SFRP1: variants seen among roughly 807,000 people sequenced by gnomAD.
The protein encoded by SFRP1 is secreted frizzled related protein 1.
Under a neutral mutation model 25.9 loss-of-function variants are expected in SFRP1, and 9 were observed. That is an observed-to-expected ratio of 0.35 (90% CI 0.21 to 0.61). SFRP1 has a LOEUF of 0.61. Ranked by LOEUF, SFRP1 falls within the 20% of genes least tolerant of loss-of-function variation. The pLI is 0.78. For missense variants in SFRP1, 346 were observed against 418.2 expected, an observed-to-expected ratio of 0.83 and a Z score of 1.51; for synonymous variants, 178 against 174.0, an observed-to-expected ratio of 1.02 and a Z score of -0.18.
intron 2 of SFRP1, among the ~76,000 whole-genome samples, chr8:41,280,462 G>A (rs1358749794): frequency 1.3e-5 from 2 of 152,136 alleles, no homozygotes; most frequent in African/African-American, 4.8e-5. Context: ...AGGCAGCCAG[G>A]TGGCACCGGC....
In SFRP1 at chr8:41,283,092, C is replaced by G. The variant is rs372796554; in HGVS notation, c.623-17603G>C. Among the ~76,000 whole-genome samples the G allele has an allele frequency of 2.4e-4, 36 of 152,326 alleles. 1 individual carries two copies. In the South Asian group the frequency reaches 7.2e-3, roughly 31 times the overall value. On this transcript the variant is annotated intron_variant, in intron 2 of 2. Transcript: ENST00000220772. ...GCTTTTATTACATGACCTTGGACAA[C>G]ATGAGTCTCCATCCTGTTTCTTCCT...
At chr8:41,279,795 T>G (rs1466174407) in intron 2 of SFRP1, among the ~76,000 whole-genome samples, 15 of 149,990 alleles carry the variant, frequency 1.0e-4, no homozygotes, top group African/African-American at 3.7e-4. Context: ...AAAAAACCTA[T>G]GTCCAAAATC....
At chr8:41,306,582 G>T in intron 1 of SFRP1, 2 of 995,980 alleles carry the variant, frequency 2.0e-6, no homozygotes, top group Middle Eastern at 3.1e-4. Context: ...GCAGTCCTGG[G>T]GAGGGTGGTG....
intron 2 of SFRP1, among the ~76,000 whole-genome samples, chr8:41,276,172 G>A (rs570700394): frequency 5.2e-4 from 79 of 152,324 alleles, no homozygotes; most frequent in African/African-American, 1.7e-3. Flanking sequence ...AGGTGGAAAA[G>A]TCTGCTCAGA....
At chr8:41,304,776 G>A (rs1016267615) in intron 1 of SFRP1, among the ~76,000 whole-genome samples, 2 of 152,106 alleles carry the variant, frequency 1.3e-5, no homozygotes, top group Non-Finnish European at 2.9e-5. Context: ...GACACAAGTG[G>A]CCCATAGACC....
intron 2 of SFRP1, among the ~76,000 whole-genome samples, chr8:41,274,572 A>T (rs548331460): frequency 6.6e-6 from 1 of 152,366 alleles, no homozygotes; most frequent in Non-Finnish European, 1.5e-5. Context: ...ATAACAGAAA[A>T]TCAATAAAGA....
At chr8:41,284,859 C>T (rs185323421) in intron 2 of SFRP1, among the ~76,000 whole-genome samples, 20 of 152,330 alleles carry the variant, frequency 1.3e-4, no homozygotes, top group Admixed American at 1.1e-3. Context: ...AGGCCAAGGC[C>T]GATGCTCCAG....
chr8:41,306,480 T>C (rs1300245320), intron 1 of SFRP1, among the ~76,000 whole-genome samples: 10 of 147,324 alleles, frequency 6.8e-5, no homozygotes, highest in Non-Finnish European at 1.5e-4. Flanking sequence ...TCTACACACC[T>C]ACACACACAC....
chr8:41,272,538 G>A (rs533808737), intron 2 of SFRP1, among the ~76,000 whole-genome samples: 2 of 152,326 alleles, frequency 1.3e-5, no homozygotes, highest in South Asian at 4.1e-4. Flanking sequence ...GAACTCAGGA[G>A]GCAGAGGTTG....
chr8:41,277,974 T>G (rs1803590890), intron 2 of SFRP1, among the ~76,000 whole-genome samples: 1 of 152,174 alleles, frequency 6.6e-6, no homozygotes, highest in East Asian at 1.9e-4. Context: ...GGATCACACT[T>G]GAGAACCACT....
rs898811965 is a variant in SFRP1 at position 41,262,882 on chromosome 8, T to A, written c.*2285A>T. 3 of 152,190 alleles carry A rather than the reference T, an allele frequency of 2.0e-5. No individual in the cohort carries two copies. Among genetic ancestry groups the A allele is most frequent in the African/African-American group, 7.2e-5 (3 of 41,450 alleles). The allele number at this position is 152,190 out of a possible 1,614,324, so 9.4% of individuals were successfully genotyped here. ...GGTCTAAAACCTTCAATAAAGTAAC[T>A]AATGACACTCAAGGTCCTGGGACTC... On this transcript the variant is annotated 3_prime_UTR_variant, in exon 3 of 3. Coordinates refer to ENST00000220772, the MANE Select transcript of SFRP1 (RefSeq NM_003012.5).
chr8:41,278,042 A>G (rs773828798), intron 2 of SFRP1, among the ~76,000 whole-genome samples: 4 of 152,150 alleles, frequency 2.6e-5, no homozygotes, highest in Non-Finnish European at 5.9e-5. Flanking sequence ...CACCTTGGTT[A>G]TTCACAGTGG....
At chr8:41,305,068 T>C (rs896415606) in intron 1 of SFRP1, among the ~76,000 whole-genome samples, 15 of 152,200 alleles carry the variant, frequency 9.9e-5, no homozygotes, top group Non-Finnish European at 1.8e-4. Context: ...TGGTTTTTGC[T>C]TCCACATGGG....
At position 41,290,345 on chromosome 8, in the gene SFRP1, G is replaced by A. The variant is rs187450668; in HGVS notation, c.622+13116C>T. Among the ~76,000 whole-genome samples the A allele has an allele frequency of 3.1e-4, 47 of 152,344 alleles. 1 individual carries two copies. Among genetic ancestry groups the A allele is most frequent in the Admixed American group, 2.5e-3 (39 of 15,304 alleles). Reference sequence around the variant, plus strand: ...TCTTTCAGGGAAGCTCCAGACACCTGGGCTAACCCAGCCCTGAAGGCCCTC... The same window carrying A: ...TCTTTCAGGGAAGCTCCAGACACCTAGGCTAACCCAGCCCTGAAGGCCCTC... On this transcript the variant is annotated intron_variant, in intron 2 of 2. Coordinates refer to ENST00000220772, the MANE Select transcript of SFRP1 (RefSeq NM_003012.5).
intron 2 of SFRP1, among the ~76,000 whole-genome samples, chr8:41,279,064 G>A (rs1803603775): frequency 6.6e-6 from 1 of 152,012 alleles, no homozygotes; most frequent in Non-Finnish European, 1.5e-5. Context: ...GCAGAGCTCT[G>A]CATGAGAATG....
intron 2 of SFRP1, among the ~76,000 whole-genome samples, chr8:41,297,334 G>A (rs1010322276): frequency 1.2e-4 from 18 of 152,130 alleles, no homozygotes; most frequent in African/African-American, 2.7e-4. Context: ...GTGAGTCACC[G>A]TGCCCAGCAG....
chr8:41,274,105 G>C (rs1205938671), intron 2 of SFRP1, among the ~76,000 whole-genome samples: 1 of 152,198 alleles, frequency 6.6e-6, no homozygotes, highest in Non-Finnish European at 1.5e-5. Context: ...GGGCTGCATT[G>C]TTCCAAGGCT....
chr8:41,266,837 A>G (rs1803441747), intron 2 of SFRP1, among the ~76,000 whole-genome samples: 1 of 152,222 alleles, frequency 6.6e-6, no homozygotes, highest in South Asian at 2.1e-4. Flanking sequence ...AATGACAGGC[A>G]GAACTATGTG....
At position 41,264,961 on chromosome 8, in the gene SFRP1, G is replaced by T; in HGVS notation, c.*206C>A. 1.8e-6 allele frequency: 1 copy of T among 552,108 alleles called. No homozygotes were observed. The highest frequency in any genetic ancestry group is 3.2e-6 in the Non-Finnish European group (1 of 312,872). The allele number at this position is 552,108 out of a possible 1,614,324, so 34.2% of individuals were successfully genotyped here. ...AACCTTCCTAATCTAAATGGCCCTT[G>T]CTTTACCCGGCCATGGCTACCCTGG... On this transcript the variant is annotated 3_prime_UTR_variant, in exon 3 of 3. Coordinates refer to ENST00000220772, the MANE Select transcript of SFRP1 (RefSeq NM_003012.5).
Sources: allele counts gnomAD v4.1 joint callset (sites outside exome capture counted in the v4.1 genomes callset), GRCh38; gene constraint gnomAD v4.1.1; transcripts MANE v1.5; gene names NCBI Gene and HGNC (gene_info 2026-07-23, HGNC 2026-07-21).